Variants in ANKRD31 observed in about 807,000 individuals in gnomAD.
The protein encoded by ANKRD31 is ankyrin repeat domain-containing protein 31.
A neutral mutation model predicts 186.0 loss-of-function variants in ANKRD31; 147 were observed. That is an observed-to-expected ratio of 0.79 (90% confidence interval 0.69 to 0.91). ANKRD31 has a LOEUF of 0.91. Ranked by LOEUF, ANKRD31 falls within the 40% of genes least tolerant of loss-of-function variation. The pLI is 0.00. For missense variants in ANKRD31, 1,986 were observed against 2,148.8 expected (o/e 0.92, Z 1.50); for synonymous variants, 673 against 736.4 (o/e 0.91, Z 1.39).
intron 22 of ANKRD31, among the ~76,000 whole-genome samples, chr5:75,095,306 A>C (rs570163055): frequency 6.6e-6 from 1 of 152,118 alleles, no homozygotes; most frequent in South Asian, 2.1e-4. Flanking sequence ...TGTCTCTACT[A>C]AAAATACAAA....
intron 10 of ANKRD31, among the ~76,000 whole-genome samples, chr5:75,174,786 G>A (rs1267427271): frequency 2.6e-5 from 4 of 152,186 alleles, no homozygotes; most frequent in Admixed American, 2.0e-4. Flanking sequence ...TGGTGGGAGT[G>A]TAAATTAGTT....
chr5:75,084,482 G>T, intron 23 of ANKRD31, 108 bp from the exon 24 acceptor site: 1 of 873,244 alleles, frequency 1.1e-6, no homozygotes, highest in Non-Finnish European at 1.8e-6. Context: ...GTTGTATGTT[G>T]TGGATTAGCA....
chr5:75,233,611 AT>A (rs1758080670), intron 1 of ANKRD31, among the ~76,000 whole-genome samples: 1 of 152,106 alleles, frequency 6.6e-6, no homozygotes, highest in African/African-American at 2.4e-5. Context: ...ATTTAACATT[AT>A]GCCAATAAAA....
At chr5:75,099,416 G>T (rs1746625253) in intron 22 of ANKRD31, among the ~76,000 whole-genome samples, 1 of 152,246 alleles carries the variant, frequency 6.6e-6, no homozygotes, top group Non-Finnish European at 1.5e-5. Context: ...TCTCTGCCAG[G>T]CTTTGGTATC....
intron 2 of ANKRD31, among the ~76,000 whole-genome samples, chr5:75,225,206 TAAG>T (rs1389311141): frequency 2.0e-5 from 3 of 152,214 alleles, no homozygotes; most frequent in African/African-American, 7.2e-5. Flanking sequence ...GGCAAAGGTA[TAAG>T]TATTAATATT....
intron 12 of ANKRD31, 41 bp from the exon 13 acceptor site, chr5:75,148,669 T>C (rs1468707401): frequency 2.0e-6 from 3 of 1,470,696 alleles, no homozygotes; most frequent in African/African-American, 1.4e-5. Context: ...CAGCTTCTAG[T>C]GTTTAGACTT....
At chr5:75,132,642 T>C (rs900547505) in intron 17 of ANKRD31, among the ~76,000 whole-genome samples, 1 of 152,082 alleles carries the variant, frequency 6.6e-6, no homozygotes, top group Non-Finnish European at 1.5e-5. Flanking sequence ...CAGGCCAACA[T>C]TCAAATTCAG....
chr5:75,176,485 G>A (rs1293438356), intron 10 of ANKRD31, among the ~76,000 whole-genome samples: 1 of 152,178 alleles, frequency 6.6e-6, no homozygotes, highest in East Asian at 1.9e-4. Context: ...GCACCCCCAA[G>A]TAGGGGTGGA....
chr5:75,127,212 A>G (rs933234425), intron 17 of ANKRD31, among the ~76,000 whole-genome samples: 8 of 151,842 alleles, frequency 5.3e-5, no homozygotes, highest in Non-Finnish European at 1.0e-4. Flanking sequence ...TCAACTGAAC[A>G]CATATATGAG....
chr5:75,163,051 TAAC>T (rs1752676820), intron 11 of ANKRD31, among the ~76,000 whole-genome samples: 1 of 152,220 alleles, frequency 6.6e-6, no homozygotes, highest in African/African-American at 2.4e-5. Context: ...ATATTACTGT[TAAC>T]AATGCCAGTA....
chr5:75,229,864 C>T (rs1274528852), intron 2 of ANKRD31, among the ~76,000 whole-genome samples: 1 of 37,858 alleles, frequency 2.6e-5, no homozygotes, highest in Non-Finnish European at 4.8e-5. Flanking sequence ...GACTCTGTCT[C>T]AAAAAAAAAA....
At chr5:75,183,381 A>G (rs1301002137) in intron 10 of ANKRD31, among the ~76,000 whole-genome samples, 2 of 152,202 alleles carry the variant, frequency 1.3e-5, no homozygotes, top group East Asian at 1.9e-4. Flanking sequence ...CACTTTCACC[A>G]CTTCTAGTTA....
chr5:75,229,768 G>A (rs959005551), intron 2 of ANKRD31, among the ~76,000 whole-genome samples: 1 of 150,670 alleles, frequency 6.6e-6, no homozygotes, highest in African/African-American at 2.4e-5. Context: ...GCGAGGCTGA[G>A]GCAGAAGAAT....
At chr5:75,213,856 T>C (rs1476326654) in intron 3 of ANKRD31, among the ~76,000 whole-genome samples, 1 of 152,222 alleles carries the variant, frequency 6.6e-6, no homozygotes, top group Non-Finnish European at 1.5e-5. Flanking sequence ...GATTCATGGA[T>C]AACTGGGAGT....
At chr5:75,078,490 C>G (rs771712842) in intron 25 of ANKRD31, among the ~76,000 whole-genome samples, 87 of 151,930 alleles carry the variant, frequency 5.7e-4, no homozygotes, top group Non-Finnish European at 1.1e-3. Flanking sequence ...ATGTTAGGTC[C>G]CCATGAAAGA....
At chr5:75,107,468 T>C in intron 21 of ANKRD31, 53 bp downstream of exon 21, 2 of 1,254,558 alleles carry the variant, frequency 1.6e-6, no homozygotes, top group Non-Finnish European at 2.2e-6. Context: ...CAGCTAAAAA[T>C]GGATAAATTC....
rs1419060264 is a variant in ANKRD31, at chr5:75,105,110, G to A, written c.4449C>T (p.Ser1483=). ...LVVAKKQKKI[S]LKIQNCRNVT... ...CATTCCTACAGTTTTGAATTTTCAG[G>A]CTTATTTTTTTCTGTTTTTTTGCCA... is the stretch of plus-strand genomic sequence containing the variant. Residue 1483 remains serine (S), a synonymous_variant, in exon 22 of 26, where the codon AGC becomes AGT. Coordinates refer to ENST00000506364, the MANE Select transcript of ANKRD31 (RefSeq NM_001372053.1). 2.0e-6 allele frequency: 3 copies of A among 1,536,726 alleles called. No homozygotes were observed. Among genetic ancestry groups the A allele is most frequent in the Non-Finnish European group, 1.7e-6 (2 of 1,146,786 alleles).
chr5:75,212,270 T>C (rs1756696967), intron 3 of ANKRD31, among the ~76,000 whole-genome samples: 1 of 152,112 alleles, frequency 6.6e-6, no homozygotes, highest in Admixed American at 6.6e-5. Flanking sequence ...TAAGTTTTAA[T>C]ATTTCCCCTA....
At chr5:75,187,369 G>C (rs539110239) in intron 10 of ANKRD31, among the ~76,000 whole-genome samples, 1 of 151,938 alleles carries the variant, frequency 6.6e-6, no homozygotes, top group East Asian at 1.9e-4. Context: ...GAAGGTCACA[G>C]AAGTACCTGA....
Sources: allele counts gnomAD v4.1 joint callset (sites outside exome capture counted in the v4.1 genomes callset), GRCh38; gene constraint gnomAD v4.1.1; transcripts MANE v1.5; gene names NCBI Gene and HGNC (gene_info 2026-07-23, HGNC 2026-07-21).